The following ZNF83 variants were observed in gnomAD, a reference collection of about 807,000 sequenced individuals.
ZNF83 encodes zinc finger protein 816B.
For synonymous variants in ZNF83, 209 were observed against 213.0 expected, an observed-to-expected ratio of 0.98 and a Z score of 0.17; for missense variants, 552 against 629.9, an observed-to-expected ratio of 0.88 and a Z score of 1.32.
Position 52,618,734 on chromosome 19 carries a change from C to T in ZNF83, c.-233-3937G>A, listed in dbSNP as rs770986431. ...TTAAGCCTTCTTTACTTCTGGAACCCCCACTGAGCTATCATGAAGAACGCA... is the reference window on the plus strand; with the variant it reads ...TTAAGCCTTCTTTACTTCTGGAACCTCCACTGAGCTATCATGAAGAACGCA... On this transcript the variant is annotated intron_variant, in intron 2 of 2. Coordinates refer to ENST00000301096, the Ensembl canonical transcript of ZNF83. The T allele has an allele frequency of 1.6e-5, 16 of 1,004,460 alleles. No homozygotes were observed. In the East Asian group the frequency reaches 1.7e-4, roughly 11 times the overall value. 62.2% of individuals were successfully genotyped at this position (1,004,460 alleles called of 1,614,324 possible). A position where few individuals can be genotyped will look rare whatever the true frequency, so the allele number is the denominator to read the frequency against.
At chr19:52,649,997 A>T (rs530475173) in intron 3 of ZNF83, among the ~76,000 whole-genome samples, 1 of 152,162 alleles carries the variant, frequency 6.6e-6, no homozygotes, top group Non-Finnish European at 1.5e-5. Context: ...GAACTCAAAG[A>T]CAGGTAAAAA....
rs755614228 is a variant in ZNF83 at position 52,613,517 on chromosome 19, A to G, written c.1048T>C (p.Cys350Arg). 6 of 1,614,212 alleles carry G rather than the reference A, an allele frequency of 3.7e-6. No homozygotes were observed. The Admixed American group carries it at 6.7e-5, about 18-fold the overall frequency. Residue 350 changes from cysteine to arginine, a missense_variant, in exon 3 of 3, where the codon TGT (cysteine) becomes CGT (arginine). Transcript: ENST00000301096. The stretch of plus-strand genomic sequence containing the variant: ...GAATTGCGACTGAAGACCTTGCCAC[A>G]TTCATTACATTTGTAAGGTTTCTCT...
intron 1 of ZNF83, among the ~76,000 whole-genome samples, chr19:52,682,936 T>G (rs1319781446): frequency 6.6e-6 from 1 of 152,128 alleles, no homozygotes; most frequent in Non-Finnish European, 1.5e-5. Flanking sequence ...AGTGGCACCA[T>G]CTCGGATTAC....
chr19:52,621,942 T>G (rs1433261621), intron 2 of ZNF83, among the ~76,000 whole-genome samples: 1 of 151,420 alleles, frequency 6.6e-6, no homozygotes, highest in Non-Finnish European at 1.5e-5. Flanking sequence ...ATGTGACTAG[T>G]CCCAAATGCT....
intron 1 of ZNF83, among the ~76,000 whole-genome samples, chr19:52,683,290 G>C (rs954567135): frequency 6.7e-6 from 1 of 149,418 alleles, no homozygotes; most frequent in Non-Finnish European, 1.5e-5. Flanking sequence ...GTATGCTCAC[G>C]TGTTGTGACA....
At chr19:52,619,999 T>C (rs73061470) in intron 2 of ZNF83, among the ~76,000 whole-genome samples, 28,479 of 152,012 alleles carry the variant, frequency 0.19, 2,764 homozygotes, top group Middle Eastern at 0.27. Flanking sequence ...CAGTGAGCTA[T>C]GATTGCACCA....
intron 2 of ZNF83, among the ~76,000 whole-genome samples, chr19:52,656,611 T>G (rs982858105): frequency 6.6e-6 from 1 of 152,192 alleles, no homozygotes; most frequent in Admixed American, 6.6e-5. Context: ...CTCACACCTA[T>G]AATCCGAACA....
intron 1 of ZNF83, among the ~76,000 whole-genome samples, chr19:52,683,576 G>A (rs988166619): frequency 1.3e-4 from 19 of 150,824 alleles, no homozygotes; most frequent in African/African-American, 4.7e-4. Context: ...CTGGTGATGT[G>A]CAGAGCATGG....
At chr19:52,659,918 G>A (rs1039497854) in intron 2 of ZNF83, among the ~76,000 whole-genome samples, 1 of 152,068 alleles carries the variant, frequency 6.6e-6, no homozygotes, top group African/African-American at 2.4e-5. Context: ...CGGCTGGGTG[G>A]GCGGTAACTC....
At chr19:52,690,029 G>T (rs1489649987) in intron 1 of ZNF83, among the ~76,000 whole-genome samples, 3 of 152,222 alleles carry the variant, frequency 2.0e-5, no homozygotes, top group Non-Finnish European at 4.4e-5. Flanking sequence ...CCCAGGACTA[G>T]GCAGAGGACA....
intron 2 of ZNF83, among the ~76,000 whole-genome samples, chr19:52,624,949 G>A (rs2060682963): frequency 6.6e-6 from 1 of 151,978 alleles, no homozygotes; most frequent in Non-Finnish European, 1.5e-5. Context: ...TCCTGGCCCA[G>A]ACATCAATCC....
chr19:52,645,936 T>C lies in ZNF83; in HGVS notation c.-74+9625A>G, dbSNP rs565840285. ...TCCTGTTTTTGATTTTGTTTATTTT[T>C]TGTTTGTTTGCTTGTTTTTGTGAGA... On this transcript the variant is annotated intron_variant, in intron 3 of 5. Coordinates refer to the ZNF83 transcript ENST00000594682. 6.6e-5 allele frequency among the ~76,000 whole-genome samples: 10 copies of C among 152,248 alleles called. No individual in the cohort carries two copies. In the East Asian group the frequency reaches 1.9e-3, roughly 29 times the overall value.
chr19:52,654,179 T>A, intron 3 of ZNF83: 2 of 1,601,312 alleles, frequency 1.2e-6, no homozygotes, highest in Middle Eastern at 1.7e-4. Context: ...CGTCGGTCTG[T>A]ACTACCAGTC....
At chr19:52,621,024 C>T (rs548738976) in intron 2 of ZNF83, among the ~76,000 whole-genome samples, 1 of 152,290 alleles carries the variant, frequency 6.6e-6, no homozygotes, top group East Asian at 1.9e-4. Flanking sequence ...CTTTTTTGGA[C>T]TCAGCCTGCC....
intron 1 of ZNF83, among the ~76,000 whole-genome samples, chr19:52,689,137 T>C (rs1234033758): frequency 6.6e-6 from 1 of 152,182 alleles, no homozygotes; most frequent in Non-Finnish European, 1.5e-5. Context: ...ACACAACCTG[T>C]CACTGTATAA....
intron 1 of ZNF83, among the ~76,000 whole-genome samples, chr19:52,675,332 A>C (rs540387110): frequency 1.3e-5 from 2 of 152,356 alleles, no homozygotes; most frequent in South Asian, 4.1e-4. Context: ...CATGTACTTA[A>C]GCACAATAGT....
chr19:52,641,357 A>C (rs1277657662), upstream of ZNF83, among the ~76,000 whole-genome samples: 1 of 152,206 alleles, frequency 6.6e-6, no homozygotes, highest in African/African-American at 2.4e-5. Context: ...AATATTAGGA[A>C]GTTTCACGTA....
At chr19:52,665,762 C>T (rs1057443302) in intron 1 of ZNF83, among the ~76,000 whole-genome samples, 4 of 152,146 alleles carry the variant, frequency 2.6e-5, no homozygotes, top group African/African-American at 9.7e-5. Flanking sequence ...GGGAATGACA[C>T]AGCAGCAGGG....
intron 2 of ZNF83, among the ~76,000 whole-genome samples, chr19:52,629,618 G>A (rs2060876613): frequency 6.6e-6 from 1 of 152,094 alleles, no homozygotes; most frequent in Admixed American, 6.6e-5. Context: ...AAAGGTGGCT[G>A]GAGCTAAAGG....
Sources: gnomAD v4.1 joint callset for allele counts (sites outside exome capture counted in the v4.1 genomes callset) on GRCh38, gnomAD v4.1.1 for gene constraint, MANE v1.5 for transcripts, NCBI Gene and HGNC (gene_info 2026-07-23, HGNC 2026-07-21) for gene names.